Variants in ERBB4 observed in about 807,000 individuals in gnomAD.
ERBB4 encodes the protein receptor tyrosine-protein kinase erbB-4.
In ERBB4, 42 loss-of-function variants were observed where a neutral mutation model predicts 158.0. That is an observed-to-expected ratio of 0.27 (90% CI 0.21 to 0.34). The LOEUF (loss-of-function observed/expected upper bound fraction) is 0.34, where lower values mean the gene tolerates loss of function less well. Among genes scored for constraint, ERBB4 ranks in the 10% least tolerant of loss-of-function variants. The pLI is 1.00. For synonymous variants in ERBB4, 583 were observed against 558.7 expected, an observed-to-expected ratio of 1.04 and a Z score of -0.61; for missense variants, 1,333 against 1,624.1, an observed-to-expected ratio of 0.82 and a Z score of 3.08.
intron 1 of ERBB4, among the ~76,000 whole-genome samples, chr2:212,397,378 C>A (rs565830466): frequency 6.6e-6 from 1 of 151,800 alleles, no homozygotes; most frequent in South Asian, 2.1e-4. Context: ...GAGGCTGAGG[C>A]GAGAGTATCA....
chr2:211,936,205 C>T (rs1330261871), intron 3 of ERBB4, among the ~76,000 whole-genome samples: 1 of 151,454 alleles, frequency 6.6e-6, no homozygotes, highest in African/African-American at 2.4e-5. Context: ...AGAATATTTG[C>T]CAGAATATTC....
Position 211,860,446 on chromosome 2 carries a change from C to T in ERBB4, c.422-72287G>A, listed in dbSNP as rs192883066. ...CAAATTTTAGATTAAAAACAGATTG[C>T]TCCTTTTATGTGATAACAGAGTTGA... is the stretch of plus-strand genomic sequence containing the variant. On this transcript the variant is annotated intron_variant, in intron 3 of 27. Coordinates refer to ENST00000342788, the MANE Select transcript of ERBB4 (RefSeq NM_005235.3). Among the ~76,000 whole-genome samples, 236 of 152,206 alleles carry T rather than the reference C, an allele frequency of 1.6e-3. 7 individuals are homozygous for T. The highest frequency in any genetic ancestry group is 0.014 in the Admixed American group (218 of 15,288).
chr2:212,239,738 T>C (rs1051873522), intron 1 of ERBB4, among the ~76,000 whole-genome samples: 1 of 152,174 alleles, frequency 6.6e-6, no homozygotes, highest in Non-Finnish European at 1.5e-5. Flanking sequence ...AATGATAATG[T>C]GGTATATTCC....
chr2:212,117,560 T>C (rs908538959), intron 2 of ERBB4, among the ~76,000 whole-genome samples: 1 of 152,198 alleles, frequency 6.6e-6, no homozygotes, highest in African/African-American at 2.4e-5. Context: ...GTGACAAATA[T>C]ACCACTTCAT....
intron 22 of ERBB4, among the ~76,000 whole-genome samples, chr2:211,427,695 TTC>T (rs2063659014): frequency 6.6e-6 from 1 of 152,172 alleles, no homozygotes; most frequent in Non-Finnish European, 1.5e-5. Flanking sequence ...AGAACATAAA[TTC>T]TTACATGCAA....
At chr2:212,327,516 A>C (rs1248449364) in intron 1 of ERBB4, among the ~76,000 whole-genome samples, 3 of 151,902 alleles carry the variant, frequency 2.0e-5, no homozygotes, top group Non-Finnish European at 4.4e-5. Context: ...AGGCAGCTCC[A>C]GATCTACATG....
chr2:211,400,742 G>A (rs1308705880), intron 25 of ERBB4, among the ~76,000 whole-genome samples: 1 of 151,694 alleles, frequency 6.6e-6, no homozygotes, highest in Non-Finnish European at 1.5e-5. Flanking sequence ...ATAGTCAATA[G>A]TAATTTAGCT....
At chr2:211,983,783 G>T (rs2081867087) in intron 2 of ERBB4, among the ~76,000 whole-genome samples, 1 of 152,094 alleles carries the variant, frequency 6.6e-6, no homozygotes, top group South Asian at 2.1e-4. Context: ...TCAAGTATTT[G>T]AAAGAATTAA....
At chr2:212,290,289 C>A (rs552514182) in intron 1 of ERBB4, among the ~76,000 whole-genome samples, 1 of 152,102 alleles carries the variant, frequency 6.6e-6, no homozygotes, top group Non-Finnish European at 1.5e-5. Context: ...TAAGTCTGAC[C>A]AGTATCGTTC....
chr2:212,476,434 T>C (rs1336886882), intron 1 of ERBB4, among the ~76,000 whole-genome samples: 1 of 152,168 alleles, frequency 6.6e-6, no homozygotes, highest in Non-Finnish European at 1.5e-5. Flanking sequence ...CTCAAAAATG[T>C]ACATATCCTG....
intron 2 of ERBB4, among the ~76,000 whole-genome samples, chr2:212,103,694 G>A (rs182828834): frequency 2.0e-4 from 30 of 149,394 alleles, no homozygotes; most frequent in Non-Finnish European, 3.7e-4. Context: ...CCCTTTCTCC[G>A]TTATGCAATC....
chr2:212,235,232 A>C (rs955029357), intron 1 of ERBB4, among the ~76,000 whole-genome samples: 3 of 152,166 alleles, frequency 2.0e-5, no homozygotes, highest in African/African-American at 7.2e-5. Context: ...TTAAATAGGG[A>C]ATCCTTTCCC....
intron 23 of ERBB4, among the ~76,000 whole-genome samples, chr2:211,423,621 A>C (rs1209615823): frequency 1.3e-5 from 2 of 151,944 alleles, no homozygotes; most frequent in African/African-American, 4.8e-5. Context: ...AAAAGTAAAC[A>C]TTTATAATCT....
chr2:211,630,611 GA>G lies in ERBB4; in HGVS notation c.1947-18del, dbSNP rs57466272. 0.015 allele frequency: 18,209 copies of G among 1,238,006 alleles called. 370 individuals carry two copies. The highest frequency in any genetic ancestry group is 0.12 in the African/African-American group (7,898 of 63,800). The allele number at this position is 1,238,006 out of a possible 1,614,324, so 76.7% of individuals were successfully genotyped here. A position where few individuals can be genotyped will look rare whatever the true frequency, so the allele number is the denominator to read the frequency against. On this transcript the variant is annotated intron_variant, in intron 16 of 27. Transcript: ENST00000342788. ...AGGGGAGTTCTGACAACCAGAATGA[GA>G]AAAAAAAAAATAAAAAGTATGAAGA...
At chr2:212,308,607 T>C (rs1219842140) in intron 1 of ERBB4, among the ~76,000 whole-genome samples, 1 of 150,164 alleles carries the variant, frequency 6.7e-6, no homozygotes, top group Admixed American at 6.6e-5. Context: ...CTAAAATATC[T>C]TGCCCTCAAC....
chr2:211,897,042 T>C (rs989716272), intron 3 of ERBB4, among the ~76,000 whole-genome samples: 7 of 150,284 alleles, frequency 4.7e-5, no homozygotes, highest in African/African-American at 1.7e-4. Context: ...TAATTATTAT[T>C]AATATTATAC....
At chr2:211,675,649 A>G (rs1218913993) in intron 13 of ERBB4, among the ~76,000 whole-genome samples, 1 of 151,206 alleles carries the variant, frequency 6.6e-6, no homozygotes, top group Non-Finnish European at 1.5e-5. Context: ...TTTATATGAC[A>G]TGGATTTGAA....
intron 1 of ERBB4, among the ~76,000 whole-genome samples, chr2:212,243,914 A>G (rs1340213468): frequency 6.6e-6 from 1 of 152,202 alleles, no homozygotes; most frequent in East Asian, 1.9e-4. Flanking sequence ...CAAGTAGCTT[A>G]TCAACCTCAT....
At chr2:212,379,895 T>C (rs572897049) in intron 1 of ERBB4, among the ~76,000 whole-genome samples, 1 of 151,224 alleles carries the variant, frequency 6.6e-6, no homozygotes, top group South Asian at 2.1e-4. Flanking sequence ...AGACAAAACA[T>C]TGTAAGCATT....
Sources: allele counts gnomAD v4.1 joint callset (sites outside exome capture counted in the v4.1 genomes callset), GRCh38; gene constraint gnomAD v4.1.1; transcripts MANE v1.5; gene names NCBI Gene and HGNC (gene_info 2026-07-23, HGNC 2026-07-21).